The following NSG1 variants were observed in gnomAD, a reference collection of about 807,000 sequenced individuals.
NSG1 encodes the protein neuronal vesicle trafficking-associated protein 1.
NSG1 carries 9 observed loss-of-function variants against 19.3 expected under a neutral mutation model. The observed-to-expected ratio is 0.47, with a 90% CI of 0.28 to 0.81. The LOEUF (loss-of-function observed/expected upper bound fraction) is 0.81, where lower values mean the gene tolerates loss of function less well. Among genes scored for constraint, NSG1 ranks in the 40% least tolerant of loss-of-function variants. The pLI is 0.11. For missense variants in NSG1, 236 were observed against 242.4 expected (o/e 0.97, Z 0.18); for synonymous variants, 104 against 107.0 (o/e 0.97, Z 0.17).
chr4:4,397,844 G>C (rs1002657401), intron 3 of NSG1, among the ~76,000 whole-genome samples: 18 of 152,156 alleles, frequency 1.2e-4, no homozygotes, highest in African/African-American at 4.3e-4. Context: ...ACACTCCTCA[G>C]GTCTCCCTTG....
At chr4:4,409,528 C>T (rs778900773) in intron 3 of NSG1, 45 bp from the exon 4 acceptor site, 1 of 1,439,208 alleles carries the variant, frequency 6.9e-7, no homozygotes, top group Non-Finnish European at 9.8e-7. Flanking sequence ...TGTGTCTGTC[C>T]TGCTGCCTTC....
chr4:4,402,478 T>C (rs1397904025), intron 3 of NSG1, among the ~76,000 whole-genome samples: 29 of 148,120 alleles, frequency 2.0e-4, no homozygotes, highest in South Asian at 1.5e-3. Context: ...AGCTCCGCCT[T>C]CCGGGTTCAC....
chr4:4,404,137 T>C lies in NSG1; in HGVS notation c.247-5436T>C, dbSNP rs553466946. Reference sequence around the variant, plus strand: ...CACTGCGAATGGCCGCCACCTCTCTTTTTGCATAGCCAACACCGGCCTCTT... The same window carrying C: ...CACTGCGAATGGCCGCCACCTCTCTCTTTGCATAGCCAACACCGGCCTCTT... On this transcript the variant is annotated intron_variant, in intron 3 of 4. Transcript: ENST00000621129. Among the ~76,000 whole-genome samples the C allele has an allele frequency of 3.9e-5, 6 of 152,320 alleles. No individual in the cohort carries two copies. The South Asian group carries it at 1.2e-3, about 32-fold the overall frequency.
chr4:4,411,786 A>AACAAAACAAAACAAAACACAAAACAC (rs1724217449), intron 4 of NSG1, among the ~76,000 whole-genome samples: 1 of 142,046 alleles, frequency 7.0e-6, no homozygotes, highest in African/African-American at 2.7e-5. Context: ...AACAAAACAA[A>AACAAAACAAAACAAAACACAAAACAC]ACAAAACATT....
intron 3 of NSG1, among the ~76,000 whole-genome samples, chr4:4,393,521 AAGCCCT>A (rs1336226617): frequency 6.6e-6 from 1 of 152,222 alleles, no homozygotes; most frequent in Non-Finnish European, 1.5e-5. Flanking sequence ...CTGGCAGCAG[AAGCCCT>A]GCCTCATCTC....
At chr4:4,390,913 G>C (rs911392617) in intron 2 of NSG1, among the ~76,000 whole-genome samples, 10 of 152,056 alleles carry the variant, frequency 6.6e-5, no homozygotes, top group African/African-American at 2.2e-4. Context: ...GAGACCCTTT[G>C]GGGGCTGTGG....
chr4:4,391,154 G>A (rs1722969095), intron 2 of NSG1, among the ~76,000 whole-genome samples: 4 of 152,200 alleles, frequency 2.6e-5, no homozygotes, highest in African/African-American at 9.7e-5. Context: ...TGGGTGGAAG[G>A]AGCACTGGGT....
At chr4:4,407,381 A>C (rs1428801706) in intron 3 of NSG1, among the ~76,000 whole-genome samples, 1 of 151,658 alleles carries the variant, frequency 6.6e-6, no homozygotes, top group South Asian at 2.1e-4. Context: ...AGTGGGTCTG[A>C]GCTGGGGAGA....
Position 4,402,772 on chromosome 4 carries a change from TC to T in NSG1, c.247-6799del, listed in dbSNP as rs1482127657. ...TGGGCCCGGGTGTGGGCCCCGCACT[TC>T]CTGTGCCTGGTGGAAGAAAGGCCCG... On this transcript the variant is annotated intron_variant, in intron 3 of 4. Coordinates refer to ENST00000621129, the MANE Select transcript of NSG1 (RefSeq NM_014392.5). Among the ~76,000 whole-genome samples the T allele has an allele frequency of 7.2e-5, 11 of 152,326 alleles. No homozygotes were observed. The East Asian group carries it at 2.1e-3, about 29-fold the overall frequency.
chr4:4,412,849 G>A (rs989530138), intron 4 of NSG1, among the ~76,000 whole-genome samples: 9 of 152,214 alleles, frequency 5.9e-5, no homozygotes, highest in Non-Finnish European at 7.4e-5. Context: ...CACTGAGCAC[G>A]TGCACAGGGA....
chr4:4,402,732 T>C (rs765256590), intron 3 of NSG1, among the ~76,000 whole-genome samples: 1 of 152,100 alleles, frequency 6.6e-6, no homozygotes, highest in Non-Finnish European at 1.5e-5. Context: ...GGTTCATGGG[T>C]TCCTGCAGGC....
chr4:4,399,335 G>T (rs1723427985), intron 3 of NSG1, among the ~76,000 whole-genome samples: 1 of 152,070 alleles, frequency 6.6e-6, no homozygotes, highest in African/African-American at 2.4e-5. Context: ...TAGAGATGGG[G>T]TTTCACTATG....
intron 1 of NSG1, among the ~76,000 whole-genome samples, 158 bp from the exon 2 acceptor site, chr4:4,387,446 C>T (rs887957084): frequency 1.1e-4 from 17 of 152,192 alleles, no homozygotes; most frequent in African/African-American, 4.1e-4. Flanking sequence ...ACCCCCGCAT[C>T]GGGCCGTGAC....
chr4:4,415,108 A>G (rs1242521981), intron 4 of NSG1, among the ~76,000 whole-genome samples: 4 of 151,770 alleles, frequency 2.6e-5, no homozygotes, highest in South Asian at 2.1e-4. Context: ...CGTTCTTGCT[A>G]TGTTGCCCAG....
intron 2 of NSG1, among the ~76,000 whole-genome samples, chr4:4,390,169 G>T (rs1041256492): frequency 1.3e-5 from 2 of 152,212 alleles, no homozygotes; most frequent in Admixed American, 1.3e-4. Flanking sequence ...GTTGGGTCCA[G>T]TCGGGGTTTG....
At chr4:4,387,560 C>CCCGG in intron 1 of NSG1, 44 bp from the exon 2 acceptor site, 1 of 1,148,802 alleles carries the variant, frequency 8.7e-7, no homozygotes, top group Non-Finnish European at 1.2e-6. Flanking sequence ...CCGCCCCGCC[C>CCCGG]CGGGTCTTGC....
At chr4:4,392,485 A>C (rs1419465886) in intron 3 of NSG1, among the ~76,000 whole-genome samples, 1 of 151,334 alleles carries the variant, frequency 6.6e-6, no homozygotes, top group Non-Finnish European at 1.5e-5. Flanking sequence ...AGGGACTCCC[A>C]CCCCCACCCG....
intron 4 of NSG1, among the ~76,000 whole-genome samples, chr4:4,415,286 C>G (rs754673316): frequency 1.3e-5 from 2 of 152,140 alleles, no homozygotes; most frequent in South Asian, 2.1e-4. Context: ...TCAGTCCTCC[C>G]GTGCCCCACA....
intron 4 of NSG1, among the ~76,000 whole-genome samples, chr4:4,412,988 G>A (rs916677662): frequency 6.6e-6 from 1 of 152,162 alleles, no homozygotes; most frequent in Non-Finnish European, 1.5e-5. Flanking sequence ...ACGTTGTCCA[G>A]CCCAAGTCCC....
Sources: gnomAD v4.1 joint callset for allele counts (sites outside exome capture counted in the v4.1 genomes callset) on GRCh38, gnomAD v4.1.1 for gene constraint, MANE v1.5 for transcripts, NCBI Gene and HGNC (gene_info 2026-07-23, HGNC 2026-07-21) for gene names.